The following RYR3 variants were observed in gnomAD, a reference collection of about 807,000 sequenced individuals.
RYR3 encodes ryanodine receptor 3, also known as brain ryanodine receptor-calcium release channel.
A neutral mutation model predicts 584.3 loss-of-function variants in RYR3; 207 were observed. That is an observed-to-expected ratio of 0.35 (90% CI 0.32 to 0.40). The LOEUF (loss-of-function observed/expected upper bound fraction) is 0.40. Ranked by LOEUF, RYR3 falls within the 10% of genes least tolerant of loss-of-function variation. The pLI, the probability that RYR3 is intolerant of heterozygous loss-of-function variation, is 1.00. For missense variants in RYR3, 5,616 were observed against 6,089.2 expected (o/e 0.92, Z 2.59); for synonymous variants, 2,416 against 2,248.5 (o/e 1.07, Z -2.11).
intron 1 of RYR3, among the ~76,000 whole-genome samples, chr15:33,337,195 T>C (rs914107192): frequency 1.3e-5 from 2 of 151,820 alleles, no homozygotes; most frequent in African/African-American, 4.8e-5. Flanking sequence ...TAGGAGAATA[T>C]TTTGAACTAC....
At chr15:33,354,049 T>G (rs546654993) in intron 1 of RYR3, among the ~76,000 whole-genome samples, 1 of 152,336 alleles carries the variant, frequency 6.6e-6, no homozygotes, top group Non-Finnish European at 1.5e-5. Context: ...GGGTCACTCT[T>G]TTGATTCTTT....
At chr15:33,315,396 C>T (rs1968019019) in intron 1 of RYR3, among the ~76,000 whole-genome samples, 1 of 152,178 alleles carries the variant, frequency 6.6e-6, no homozygotes, top group Non-Finnish European at 1.5e-5. Flanking sequence ...CACCTTCCTC[C>T]AGGCTCTGGG....
In RYR3 at chr15:33,736,244, G is replaced by T. The variant is rs2069449699; in HGVS notation, c.7434G>T (p.Arg2478Ser). ...ECLLAICNHL[R>S]PSMLQQLLRR... ...TCATTTCATACTGCAGTCACTTGAG[G>T]CCTTCCATGTTACAGCAACTCCTGC... Residue 2478 changes from arginine to serine, a missense_variant, in exon 49 of 104, where the codon AGG (arginine) becomes AGT (serine). Arg to Ser is a moderately radical substitution (Grantham distance 110, BLOSUM62 -1). Around this residue, in one of 9 missense-constraint regions of RYR3, gnomAD observed 1,280 missense variants for 1,426.2 expected, o/e 0.90. Transcript: ENST00000634891. 1 of 1,609,382 alleles carries T rather than the reference G, an allele frequency of 6.2e-7. No individual in the cohort carries two copies. Among genetic ancestry groups the T allele is most frequent in the Non-Finnish European group, 8.5e-7 (1 of 1,176,450 alleles).
At chr15:33,826,357 C>A in intron 83 of RYR3, 88 bp downstream of exon 83, 1 of 1,339,880 alleles carries the variant, frequency 7.5e-7, no homozygotes, top group Non-Finnish European at 1.1e-6. Flanking sequence ...ACATTTTAGG[C>A]TTGGTAGTTG....
At chr15:33,617,344 G>A (rs962887251) in intron 19 of RYR3, among the ~76,000 whole-genome samples, 15 of 151,986 alleles carry the variant, frequency 9.9e-5, no homozygotes, top group Admixed American at 1.3e-4. Context: ...CCTGGGAGGC[G>A]GAGCTTGCGG....
At chr15:33,338,501 G>A (rs549879145) in intron 1 of RYR3, among the ~76,000 whole-genome samples, 2 of 152,290 alleles carry the variant, frequency 1.3e-5, no homozygotes, top group Admixed American at 1.3e-4. Context: ...TTTGTGTCTG[G>A]TGGGCTGGGG....
chr15:33,817,019 T>C (rs1014725613), intron 75 of RYR3, 61 bp downstream of exon 75: 16 of 975,824 alleles, frequency 1.6e-5, no homozygotes, highest in Non-Finnish European at 2.5e-5. Context: ...TTCGAATTCA[T>C]GTGTGTGGTT....
At chr15:33,821,662 A>G in intron 80 of RYR3, 60 bp downstream of exon 80, 1 of 1,520,938 alleles carries the variant, frequency 6.6e-7, no homozygotes, top group Non-Finnish European at 9.1e-7. Context: ...GACACCTGTC[A>G]TGCTTCAGGG....
chr15:33,830,972 A>C lies in RYR3; in HGVS notation c.11344A>C (p.Ser3782Arg). ...DYLLRLQESI[S>R]DFYWYYSGKD... Reference sequence around the variant, plus strand: ...ACTCATTTGTTTTTAGGAATCAATCAGTGATTTCTACTGGTATTATTCAGG... The same window carrying C: ...ACTCATTTGTTTTTAGGAATCAATCCGTGATTTCTACTGGTATTATTCAGG... The change falls in exon 86 of 104, where the codon AGT (serine) becomes CGT (arginine). Residue 3782 changes from serine to arginine, a missense_variant. Physicochemically the swap from Ser to Arg is moderately radical, Grantham distance 110. Transcript: ENST00000634891. 1 of 1,613,168 alleles carries C rather than the reference A, an allele frequency of 6.2e-7. No homozygotes were observed.
chr15:33,793,370 C>T (rs559709424), intron 67 of RYR3, among the ~76,000 whole-genome samples: 1 of 152,150 alleles, frequency 6.6e-6, no homozygotes, highest in Non-Finnish European at 1.5e-5. Context: ...ATCTTCAGCA[C>T]CTCCTGTCTC....
chr15:33,518,113 G>T (rs746441), intron 3 of RYR3, among the ~76,000 whole-genome samples: 48 of 152,314 alleles, frequency 3.2e-4, no homozygotes, highest in African/African-American at 9.9e-4. Context: ...GCTCAAGTCA[G>T]TCAGTTAATC....
intron 1 of RYR3, among the ~76,000 whole-genome samples, chr15:33,336,458 GAGAGAGAGAGAGAGAGAGAGAGA>G (rs1971027640): frequency 1.3e-4 from 4 of 30,446 alleles, no homozygotes; most frequent in African/African-American, 6.7e-4. Context: ...GAGAGAGAGA[GAGAGAGAGAGAGAGAGAGAGAGA>G]GAGAGAAAGA....
At chr15:33,551,777 G>A (rs1335387734) in intron 10 of RYR3, among the ~76,000 whole-genome samples, 3 of 152,030 alleles carry the variant, frequency 2.0e-5, no homozygotes, top group Admixed American at 1.3e-4. Flanking sequence ...CAGCACAAGA[G>A]GGATTCTTTA....
At chr15:33,698,663 CA>C (rs546312802) in intron 40 of RYR3, among the ~76,000 whole-genome samples, 2 of 150,834 alleles carry the variant, frequency 1.3e-5, no homozygotes, top group East Asian at 3.9e-4. Flanking sequence ...GCAGTTTCAT[CA>C]GTGCTACTGG....
chr15:33,413,903 T>C (rs897332487), intron 1 of RYR3, among the ~76,000 whole-genome samples: 3 of 152,240 alleles, frequency 2.0e-5, no homozygotes, highest in Non-Finnish European at 2.9e-5. Context: ...AAAAAGCTCT[T>C]AGTGGCTATT....
intron 1 of RYR3, among the ~76,000 whole-genome samples, chr15:33,457,770 C>T (rs775766971): frequency 3.3e-5 from 5 of 152,058 alleles, no homozygotes; most frequent in Non-Finnish European, 5.9e-5. Context: ...GTGGTGGATA[C>T]GCTAAATACC....
chr15:33,492,530 C>A (rs1243149904), intron 2 of RYR3, among the ~76,000 whole-genome samples: 1 of 150,790 alleles, frequency 6.6e-6, no homozygotes, highest in East Asian at 1.9e-4. Flanking sequence ...AATTTGGATT[C>A]AGTTTGAGAG....
At chr15:33,352,256 T>C (rs1439055640) in intron 1 of RYR3, among the ~76,000 whole-genome samples, 1 of 152,182 alleles carries the variant, frequency 6.6e-6, no homozygotes, top group Non-Finnish European at 1.5e-5. Context: ...GATATGTGTT[T>C]TGCAAATATT....
chr15:33,411,968 C>T (rs1357294221), intron 1 of RYR3, among the ~76,000 whole-genome samples: 1 of 152,134 alleles, frequency 6.6e-6, no homozygotes, highest in Non-Finnish European at 1.5e-5. Context: ...ACCAAGTTAA[C>T]CCCCAAGAAA....
Sources: allele counts gnomAD v4.1 joint callset (sites outside exome capture counted in the v4.1 genomes callset), GRCh38; gene constraint gnomAD v4.1.1; regional missense constraint gnomAD v4.1.1; transcripts MANE v1.5; gene names NCBI Gene and HGNC (gene_info 2026-07-23, HGNC 2026-07-21).